The following THSD4 variants were observed in gnomAD, a reference collection of about 807,000 sequenced individuals.
THSD4 encodes the protein thrombospondin type-1 domain-containing protein 4.
Under a neutral mutation model 119.0 loss-of-function variants are expected in THSD4, and 69 were observed. That is an observed-to-expected ratio of 0.58 (90% CI 0.48 to 0.71). THSD4 has a LOEUF of 0.71. THSD4 is among the 30% of genes least tolerant of loss of function. THSD4 has a pLI of 0.00. For missense variants in THSD4, 1,393 were observed against 1,391.1 expected (o/e 1.00, Z -0.02); for synonymous variants, 524 against 540.4 (o/e 0.97, Z 0.42).
chr15:71,422,973 A>G (rs12595821), intron 7 of THSD4, among the ~76,000 whole-genome samples: 35,579 of 152,034 alleles, frequency 0.23, 4,582 homozygotes, highest in Middle Eastern at 0.39. Flanking sequence ...CACCACCTCC[A>G]CAGGCCCATG....
At chr15:71,265,198 T>A (rs2044449776) in intron 6 of THSD4, among the ~76,000 whole-genome samples, 2 of 151,960 alleles carry the variant, frequency 1.3e-5, no homozygotes, top group South Asian at 4.1e-4. Flanking sequence ...GGTCTGCAGC[T>A]CCCAGCAAGA....
chr15:71,746,974 C>T lies in THSD4; in HGVS notation c.2173C>T (p.Pro725Ser), dbSNP rs765926252. ...QPYRCQHLEKPETTSTCQLKI... is the reference protein window; with the variant it reads ...QPYRCQHLEKSETTSTCQLKI... ...CTACCGCTGCCAGCACCTGGAGAAA[C>T]CTGAGACCACCAGCACCTGCCAACT... Residue 725 changes from proline to serine, a missense_variant, in exon 13 of 18, where the codon CCT becomes TCT. Coordinates refer to ENST00000261862, the MANE Select transcript of THSD4 (RefSeq NM_024817.3). 6.2e-7 allele frequency: 1 copy of T among 1,613,692 alleles called. No individual in the cohort carries two copies. Among genetic ancestry groups the T allele is most frequent in the South Asian group, 1.1e-5 (1 of 91,052 alleles).
At chr15:71,117,979 A>G (rs1454617636) in intron 1 of THSD4, among the ~76,000 whole-genome samples, 4 of 152,238 alleles carry the variant, frequency 2.6e-5, no homozygotes. Flanking sequence ...CCGCAATACA[A>G]GGGGGATGTG....
At chr15:71,486,175 C>T (rs985941680) in intron 7 of THSD4, among the ~76,000 whole-genome samples, 3 of 152,112 alleles carry the variant, frequency 2.0e-5, no homozygotes, top group East Asian at 1.9e-4. Context: ...TTCTCGGAGT[C>T]AGAGTTGAAG....
intron 7 of THSD4, among the ~76,000 whole-genome samples, chr15:71,554,375 G>A (rs998017551): frequency 5.9e-5 from 9 of 151,408 alleles, no homozygotes; most frequent in Admixed American, 2.6e-4. Flanking sequence ...GATTACAGGC[G>A]TGAGACACCA....
At chr15:71,373,597 C>G (rs910667223) in intron 6 of THSD4, among the ~76,000 whole-genome samples, 1 of 152,206 alleles carries the variant, frequency 6.6e-6, no homozygotes, top group Non-Finnish European at 1.5e-5. Context: ...GGTGGTGAAG[C>G]TTTCCTTCAG....
chr15:71,730,303 A>G (rs1168929374), intron 9 of THSD4: 1 of 152,186 alleles, frequency 6.6e-6, no homozygotes, highest in Non-Finnish European at 1.5e-5. Context: ...TGCACGGCTC[A>G]TATTTACACT....
rs150331231 is a variant in THSD4 at position 71,216,540 on chromosome 15, G to A, written c.464+1141G>A. Among the ~76,000 whole-genome samples the A allele has an allele frequency of 2.9e-3, 447 of 152,314 alleles. 4 individuals carry two copies. Among genetic ancestry groups the A allele is most frequent in the African/African-American group, 0.01 (418 of 41,570 alleles). On this transcript the variant is annotated intron_variant, in intron 4 of 17. Transcript: ENST00000261862. ...GTTTGGAGAGAGAGAGGACCATTTCGGGAAGAAGGGTTCTTCAGCTGAATT... is the reference window on the plus strand; with the variant it reads ...GTTTGGAGAGAGAGAGGACCATTTCAGGAAGAAGGGTTCTTCAGCTGAATT...
intron 2 of THSD4, among the ~76,000 whole-genome samples, chr15:71,151,773 T>G (rs548446741): frequency 6.6e-6 from 1 of 152,314 alleles, no homozygotes; most frequent in South Asian, 2.1e-4. Flanking sequence ...TCCAGTACAT[T>G]CTGTGTGTAA....
intron 1 of THSD4, among the ~76,000 whole-genome samples, chr15:71,124,473 T>C (rs2040435901): frequency 1.3e-5 from 2 of 152,182 alleles, no homozygotes; most frequent in South Asian, 4.1e-4. Context: ...TTTTAAATTG[T>C]AGGAAGAGTG....
intron 5 of THSD4, among the ~76,000 whole-genome samples, chr15:71,248,416 G>C (rs2044225892): frequency 6.6e-6 from 1 of 152,128 alleles, no homozygotes; most frequent in Non-Finnish European, 1.5e-5. Flanking sequence ...TTTCTCCCTG[G>C]AGAGGAGACT....
chr15:71,301,028 T>C (rs1205488430), intron 6 of THSD4, among the ~76,000 whole-genome samples: 2 of 152,242 alleles, frequency 1.3e-5, no homozygotes, highest in African/African-American at 4.8e-5. Context: ...TAAAATAATC[T>C]GGGCCTTTGC....
intron 7 of THSD4, among the ~76,000 whole-genome samples, chr15:71,639,813 C>G (rs190859776): frequency 4.1e-5 from 6 of 146,780 alleles, no homozygotes; most frequent in African/African-American, 1.5e-4. Flanking sequence ...TGGCCTAAGA[C>G]AGCTGTAGAT....
At chr15:71,148,494 C>T (rs1567138240) in intron 2 of THSD4, among the ~76,000 whole-genome samples, 1 of 150,758 alleles carries the variant, frequency 6.6e-6, no homozygotes, top group East Asian at 1.9e-4. Context: ...TGTAAGAAAA[C>T]AGAGAAAATA....
At chr15:71,341,060 C>T in intron 6 of THSD4, 1 of 882,392 alleles carries the variant, frequency 1.1e-6, no homozygotes, top group Non-Finnish European at 1.8e-6. Flanking sequence ...TTTCTTTTTT[C>T]TTTTGTTGCC....
At chr15:71,510,828 CCATCAAAGAAGTAGAATCATTCTTTTT>C (rs2048271274) in intron 7 of THSD4, among the ~76,000 whole-genome samples, 1 of 151,954 alleles carries the variant, frequency 6.6e-6, no homozygotes, top group Non-Finnish European at 1.5e-5. Context: ...CCTCAGATTG[CCATCAAAGAAGTAGAATCATTCTTTTT>C]GCTTGAATGT....
chr15:71,777,416 C>T lies in THSD4; in HGVS notation c.*42C>T. ...TCAGTAGGGCAGCATCACTGCCTTC[C>T]CGGGGGCTTCAGCAGTGCGCCTGGC... On this transcript the variant is annotated 3_prime_UTR_variant, in exon 18 of 18. Coordinates refer to ENST00000261862, the MANE Select transcript of THSD4 (RefSeq NM_024817.3). 6.3e-7 allele frequency: 1 copy of T among 1,588,324 alleles called. No homozygotes were observed. Among genetic ancestry groups the T allele is most frequent in the Non-Finnish European group, 8.6e-7 (1 of 1,169,356 alleles).
intron 7 of THSD4, among the ~76,000 whole-genome samples, chr15:71,559,691 A>G (rs1445291771): frequency 6.6e-6 from 1 of 152,154 alleles, no homozygotes; most frequent in Non-Finnish European, 1.5e-5. Context: ...GAACATTAAT[A>G]AGATAATGTT....
At chr15:71,526,532 A>G (rs886721363) in intron 7 of THSD4, among the ~76,000 whole-genome samples, 2 of 152,158 alleles carry the variant, frequency 1.3e-5, no homozygotes, top group Non-Finnish European at 2.9e-5. Context: ...GAAAGAAACT[A>G]TTTCAGGAAT....
Sources: allele counts gnomAD v4.1 joint callset (sites outside exome capture counted in the v4.1 genomes callset), GRCh38; gene constraint gnomAD v4.1.1; transcripts MANE v1.5; gene names NCBI Gene and HGNC (gene_info 2026-07-23, HGNC 2026-07-21).